The following TYR variants were observed in gnomAD, a reference collection of about 807,000 sequenced individuals.
TYR encodes tyrosinase.
In TYR, 58 loss-of-function variants were observed where a neutral mutation model predicts 51.5. The observed-to-expected ratio is 1.13, with a 90% CI of 0.91 to 1.40. The LOEUF (loss-of-function observed/expected upper bound fraction) is 1.40. TYR is among the 40% of genes most tolerant of loss of function. The pLI is 0.00. For missense variants in TYR, 732 were observed against 647.4 expected (o/e 1.13, Z -1.42); for synonymous variants, 263 against 235.2 (o/e 1.12, Z -1.08).
At position 89,178,285 on chromosome 11, in the gene TYR, A is replaced by T; in HGVS notation, c.332A>T (p.Asn111Ile). The change falls in exon 1 of 5, where the codon AAC becomes ATC. Residue 111 changes from asparagine to isoleucine, a missense_variant. By Grantham distance (149) the Asn-to-Ile change is moderately radical. Coordinates refer to ENST00000263321, the MANE Select transcript of TYR (RefSeq NM_000372.5). ...GNCKFGFWGP[N>I]CTERRLLVRR... ...TGCAAGTTTGGCTTTTGGGGACCAA[A>T]CTGCACAGAGAGACGACTCTTGGTG... 13 of 1,614,192 alleles carry T rather than the reference A, an allele frequency of 8.1e-6. No individual in the cohort carries two copies. Among genetic ancestry groups the T allele is most frequent in the Non-Finnish European group, 1.1e-5 (13 of 1,180,034 alleles).
At chr11:89,186,706 G>A (rs897703233) in intron 1 of TYR, among the ~76,000 whole-genome samples, 1 of 152,170 alleles carries the variant, frequency 6.6e-6, no homozygotes, top group Non-Finnish European at 1.5e-5. Context: ...CTCTCAGCCA[G>A]TATTATGGAC....
rs140846109 is a variant in TYR, at chr11:89,277,459, A to G, written c.1185-7314A>G. ...GATTCTCTTGTATTTTCATTATCTC[A>G]TTATTCCCATGGCTTCAGTTATCAG... is the stretch of plus-strand genomic sequence containing the variant. On this transcript the variant is annotated intron_variant, in intron 3 of 4. Coordinates refer to ENST00000263321, the MANE Select transcript of TYR (RefSeq NM_000372.5). Among the ~76,000 whole-genome samples, 823 of 151,734 alleles carry G rather than the reference A, an allele frequency of 5.4e-3. 4 individuals carry two copies. The highest frequency in any genetic ancestry group is 0.044 in the South Asian group (214 of 4,818).
intron 2 of TYR, among the ~76,000 whole-genome samples, chr11:89,205,557 C>T (rs1001374973): frequency 1.3e-5 from 2 of 151,978 alleles, no homozygotes; most frequent in African/African-American, 4.8e-5. Flanking sequence ...TTTCCTTTGA[C>T]ACTATGGAGG....
intron 2 of TYR, among the ~76,000 whole-genome samples, chr11:89,222,066 C>T (rs6483004): frequency 0.19 from 28,514 of 151,972 alleles, 3,576 homozygotes; most frequent in African/African-American, 0.36. Context: ...GGAACAGTTA[C>T]CAGGAAGAAA....
At chr11:89,264,746 A>AC (rs1944505274) in intron 3 of TYR, among the ~76,000 whole-genome samples, 1 of 150,944 alleles carries the variant, frequency 6.6e-6, no homozygotes, top group African/African-American at 2.5e-5. Flanking sequence ...AAAAAAAAAA[A>AC]ACAAACAAAC....
At chr11:89,188,562 A>G (rs561299130) in intron 1 of TYR, among the ~76,000 whole-genome samples, 3 of 152,194 alleles carry the variant, frequency 2.0e-5, no homozygotes, top group African/African-American at 7.2e-5. Flanking sequence ...AATACTGACA[A>G]TGGTAGATTT....
chr11:89,261,849 T>C (rs1049361828), intron 3 of TYR, among the ~76,000 whole-genome samples: 1 of 152,010 alleles, frequency 6.6e-6, no homozygotes, highest in Non-Finnish European at 1.5e-5. Flanking sequence ...ATACAAGGTA[T>C]ATTCTCCAAC....
At position 89,214,735 on chromosome 11, in the gene TYR, G is replaced by T. The variant is rs543755948; in HGVS notation, c.1037-13088G>T. 2.0e-5 allele frequency among the ~76,000 whole-genome samples: 3 copies of T among 152,112 alleles called. No individual in the cohort carries two copies. The South Asian group carries it at 6.2e-4, about 32-fold the overall frequency. ...GATGAACTCACAGGTCAGACCCACT[G>T]AAATAGCACCAAATATCAGAGCCAA... On this transcript the variant is annotated intron_variant, in intron 2 of 4. Transcript: ENST00000263321.
At chr11:89,191,447 T>A in intron 2 of TYR, 29 bp downstream of exon 2, 1 of 1,599,238 alleles carries the variant, frequency 6.3e-7, no homozygotes, top group African/African-American at 1.3e-5. Flanking sequence ...CTTTTAATTT[T>A]TTTTCTGAAT....
At chr11:89,222,017 G>A (rs1450824312) in intron 2 of TYR, among the ~76,000 whole-genome samples, 1 of 152,194 alleles carries the variant, frequency 6.6e-6, no homozygotes, top group Non-Finnish European at 1.5e-5. Context: ...TTACATAGTA[G>A]TTGCTCAATT....
At chr11:89,242,539 G>A (rs916192600) in intron 3 of TYR, among the ~76,000 whole-genome samples, 31 of 152,058 alleles carry the variant, frequency 2.0e-4, no homozygotes, top group African/African-American at 6.8e-4. Context: ...ACATAGACCT[G>A]CTAGTGTGGA....
chr11:89,286,503 G>A (rs1478186024), intron 4 of TYR, among the ~76,000 whole-genome samples: 1 of 151,674 alleles, frequency 6.6e-6, no homozygotes, highest in African/African-American at 2.4e-5. Flanking sequence ...CTTTTTCATA[G>A]ATGAGGAAAC....
intron 3 of TYR, among the ~76,000 whole-genome samples, chr11:89,276,583 A>C (rs1471655706): frequency 6.6e-6 from 1 of 151,638 alleles, no homozygotes; most frequent in African/African-American, 2.4e-5. Context: ...CTGATCTTGT[A>C]ATGTATTCAT....
At chr11:89,211,221 G>C (rs1163832317) in intron 2 of TYR, among the ~76,000 whole-genome samples, 1 of 152,038 alleles carries the variant, frequency 6.6e-6, no homozygotes, top group African/African-American at 2.4e-5. Context: ...CCCATCTCAC[G>C]TGCAAAGACA....
chr11:89,252,671 C>T (rs2135300809), intron 3 of TYR, among the ~76,000 whole-genome samples: 1 of 151,806 alleles, frequency 6.6e-6, no homozygotes, highest in South Asian at 2.1e-4. Flanking sequence ...AAAGCAAGTG[C>T]AAAACCTCTG....
intron 3 of TYR, among the ~76,000 whole-genome samples, chr11:89,231,984 CA>C (rs544640718): frequency 0.051 from 2,505 of 49,334 alleles, 265 homozygotes; most frequent in African/African-American, 0.17. Context: ...GATTCCATCT[CA>C]AAAAAAAAAA....
chr11:89,191,206 T>C lies in TYR; in HGVS notation c.824T>C (p.Val275Ala), dbSNP rs1453249746. 5 of 1,613,260 alleles carry C rather than the reference T, an allele frequency of 3.1e-6. No homozygotes were observed. Among genetic ancestry groups the C allele is most frequent in the African/African-American group, 2.7e-5 (2 of 74,862 alleles). ...ACATGAGGGTGTTTTGTACAGATTG[T>C]CTGTAGCCGATTGGAGGAGTACAAC... ...PASFFSSWQI[V>A]CSRLEEYNSH... Residue 275 changes from valine (V) to alanine (A), a missense_variant, in exon 2 of 5, where the codon GTC becomes GCC. Physicochemically the swap from Val to Ala is moderately conservative, Grantham distance 64. Transcript: ENST00000263321.
chr11:89,268,911 C>A (rs1041577251), intron 3 of TYR, among the ~76,000 whole-genome samples: 1 of 151,926 alleles, frequency 6.6e-6, no homozygotes, highest in Non-Finnish European at 1.5e-5. Context: ...GATACCTTTC[C>A]CATAATTTAC....
At chr11:89,280,397 T>C (rs1454723421) in intron 3 of TYR, among the ~76,000 whole-genome samples, 1 of 151,612 alleles carries the variant, frequency 6.6e-6, no homozygotes, top group Non-Finnish European at 1.5e-5. Context: ...AGCCTCAAGC[T>C]CACTGATTCT....
Sources: gnomAD v4.1 joint callset for allele counts (sites outside exome capture counted in the v4.1 genomes callset) on GRCh38, gnomAD v4.1.1 for gene constraint, MANE v1.5 for transcripts, NCBI Gene and HGNC (gene_info 2026-07-23, HGNC 2026-07-21) for gene names.